The following MACF1 variants were observed in gnomAD, a reference collection of about 807,000 sequenced individuals.
MACF1 encodes the protein microtubule actin crosslinking factor 1.
Under a neutral mutation model 854.8 loss-of-function variants are expected in MACF1, and 193 were observed. The observed-to-expected ratio is 0.23, with a 90% CI of 0.20 to 0.25. MACF1 has a LOEUF of 0.25. MACF1 is among the 10% of genes least tolerant of loss of function. The pLI, the probability that MACF1 is intolerant of heterozygous loss-of-function variation, is 1.00. For missense variants in MACF1, 7,722 were observed against 8,929.1 expected (o/e 0.86, Z 5.45); for synonymous variants, 3,185 against 3,226.7 (o/e 0.99, Z 0.44).
Position 39,448,622 on chromosome 1 carries a change from A to C in MACF1, c.20117A>C (p.Gln6706Pro), listed in dbSNP as rs1294979465. The C allele has an allele frequency of 6.3e-7, 1 of 1,579,912 alleles. No homozygotes were observed. The highest frequency in any genetic ancestry group is 8.6e-7 in the Non-Finnish European group (1 of 1,161,896). ...KEFQKTLGGK[Q>P]PVYDTTIRTG... ...TTTCAGAAGACTCTTGGTGGCAAGC[A>C]GCCTGTGTATGATACCACAATTAGA... Residue 6706 changes from glutamine (Q) to proline (P), a missense_variant, in exon 84 of 101, where the codon CAG (glutamine) becomes CCG (proline). Around this residue, in one of 15 missense-constraint regions of MACF1, gnomAD observed 729 missense variants for 900.5 expected, o/e 0.81. Coordinates refer to ENST00000564288, the MANE Select transcript of MACF1 (RefSeq NM_001394062.1).
At chr1:39,476,251 T>C (rs909091426) in intron 97 of MACF1, among the ~76,000 whole-genome samples, 2 of 152,294 alleles carry the variant, frequency 1.3e-5, no homozygotes, top group Admixed American at 6.5e-5. Flanking sequence ...GTATGCATCC[T>C]TTCTCCCCAG....
At chr1:39,440,638 A>G (rs948032302) in intron 72 of MACF1, among the ~76,000 whole-genome samples, 9 of 152,000 alleles carry the variant, frequency 5.9e-5, no homozygotes, top group Non-Finnish European at 2.9e-5. Context: ...GTTATACTCT[A>G]TTGTCAGCAC....
intron 53 of MACF1, 60 bp from the exon 54 acceptor site, chr1:39,379,143 G>A (rs1557619615): frequency 6.7e-7 from 1 of 1,482,720 alleles, no homozygotes; most frequent in Non-Finnish European, 9.0e-7. Flanking sequence ...TAGGAGTGAG[G>A]AGTCAAGGAG....
intron 1 of MACF1, among the ~76,000 whole-genome samples, chr1:39,208,975 T>A (rs1644485389): frequency 6.6e-6 from 1 of 151,384 alleles, no homozygotes; most frequent in African/African-American, 2.4e-5. Flanking sequence ...AATATGGCCG[T>A]GCGCAGTGGC....
At chr1:39,110,290 A>C (rs756268135) in intron 2 of MACF1, among the ~76,000 whole-genome samples, 1 of 133,122 alleles carries the variant, frequency 7.5e-6, no homozygotes, top group Non-Finnish European at 1.5e-5. Flanking sequence ...GCTAGAGTGC[A>C]GTGTGGTGAG....
rs555908133 is a variant in MACF1, at chr1:39,358,705, A to G, written c.11952A>G (p.Arg3984=). 1.1e-5 allele frequency: 17 copies of G among 1,614,110 alleles called. No individual in the cohort carries two copies. In the South Asian group the frequency reaches 1.5e-4, roughly 15 times the overall value. The change falls in exon 46 of 101, where the codon CGA becomes CGG. Residue 3984 remains arginine (R), a synonymous_variant. Coordinates refer to ENST00000564288, the MANE Select transcript of MACF1 (RefSeq NM_001394062.1). ...TTCTTTCTCTGGCACAGTGTACACG[A>G]TTAGGATCTCACCTGAATATGCTGT... ...RYTALHSKCT[R]LGSHLNMLLG...
At chr1:39,427,659 A>T (rs369484813) in intron 62 of MACF1, 45 bp downstream of exon 62, 1 of 1,575,610 alleles carries the variant, frequency 6.3e-7, no homozygotes, top group Non-Finnish European at 8.6e-7. Flanking sequence ...CTGGAATTAG[A>T]AATCCTAGAA....
rs1187483846 is a variant in MACF1 at position 39,359,175 on chromosome 1, C to T, written c.12155C>T (p.Pro4052Leu). 1.2e-6 allele frequency: 2 copies of T among 1,614,026 alleles called. No individual in the cohort carries two copies. Among genetic ancestry groups the T allele is most frequent in the Non-Finnish European group, 1.7e-6 (2 of 1,180,012 alleles). Residue 4052 changes from proline to leucine, a missense_variant, in exon 47 of 101, where the codon CCT (proline) becomes CTT (leucine). Transcript: ENST00000564288. ...GAGGAATTGGCTGAGCACCAAGTACCTGTGGAAAAACTCCAAAAAGTAGCT... is the reference window on the plus strand; with the variant it reads ...GAGGAATTGGCTGAGCACCAAGTACTTGTGGAAAAACTCCAAAAAGTAGCT... Reference protein sequence around the residue: ...LQEELAEHQVPVEKLQKVARD... With the variant: ...LQEELAEHQVLVEKLQKVARD...
At chr1:39,179,255 T>G (rs925914400) in intron 2 of MACF1, among the ~76,000 whole-genome samples, 1 of 152,236 alleles carries the variant, frequency 6.6e-6, no homozygotes, top group Non-Finnish European at 1.5e-5. Flanking sequence ...GACCCCGTGT[T>G]GCTCTAGGAA....
Position 39,310,596 on chromosome 1 carries a change from T to A in MACF1, c.3100+168T>A, listed in dbSNP as rs192447469. Among the ~76,000 whole-genome samples, 329 of 152,354 alleles carry A rather than the reference T, an allele frequency of 2.2e-3. 4 individuals carry two copies. Among genetic ancestry groups the A allele is most frequent in the Non-Finnish European group, 4.1e-3 (278 of 68,034 alleles). ...TTATAGATGAATTCTCAAAATCAGA[T>A]CATGGAAGAAGTCTGTTGATATTTC... On this transcript the variant is annotated intron_variant, in intron 25 of 100. Coordinates refer to ENST00000564288, the MANE Select transcript of MACF1 (RefSeq NM_001394062.1).
chr1:39,187,409 T>C (rs1644187121), intron 2 of MACF1, among the ~76,000 whole-genome samples: 1 of 152,184 alleles, frequency 6.6e-6, no homozygotes. Flanking sequence ...TCACTCTGGA[T>C]GGGTTGCTCT....
chr1:39,134,340 C>A (rs1331831991), intron 2 of MACF1, among the ~76,000 whole-genome samples: 1 of 152,056 alleles, frequency 6.6e-6, no homozygotes, highest in Non-Finnish European at 1.5e-5. Flanking sequence ...GCTACCGCAC[C>A]CGGCCAGAAG....
At chr1:39,231,598 A>G (rs1264791080) in intron 2 of MACF1, among the ~76,000 whole-genome samples, 1 of 152,226 alleles carries the variant, frequency 6.6e-6, no homozygotes, top group Non-Finnish European at 1.5e-5. Context: ...CTACCATTAC[A>G]TCAGGAGGCA....
intron 40 of MACF1, among the ~76,000 whole-genome samples, chr1:39,341,772 C>T (rs568460891): frequency 6.6e-6 from 1 of 151,734 alleles, no homozygotes; most frequent in East Asian, 1.9e-4. Context: ...CTCTGAGAGA[C>T]CATCTACTGA....
intron 58 of MACF1, among the ~76,000 whole-genome samples, chr1:39,404,541 A>C (rs1642617567): frequency 6.6e-6 from 1 of 152,134 alleles, no homozygotes; most frequent in Admixed American, 6.5e-5. Flanking sequence ...GCCAGGCTAG[A>C]GTGCAATGAC....
At chr1:39,324,791 AACTT>A (rs1399328847) in intron 35 of MACF1, 57 bp downstream of exon 35, 2 of 1,295,184 alleles carry the variant, frequency 1.5e-6, no homozygotes, top group African/African-American at 2.9e-5. Flanking sequence ...ATCAGTCTAA[AACTT>A]ACAGCCATAA....
intron 70 of MACF1, 93 bp from the exon 71 acceptor site, chr1:39,437,684 G>T (rs748384683): frequency 3.0e-6 from 3 of 999,532 alleles, no homozygotes; most frequent in Non-Finnish European, 3.2e-6. Context: ...ATCCTAAACA[G>T]TAGTAGGATA....
At chr1:39,254,084 G>A (rs536155111) in intron 4 of MACF1, 26 of 535,244 alleles carry the variant, frequency 4.9e-5, no homozygotes, top group East Asian at 1.2e-4. Context: ...TGCGAGATGC[G>A]TAGTGGTACA....
chr1:39,443,400 C>CT (rs1371228121), intron 78 of MACF1, 46 bp from the exon 79 acceptor site: 2 of 1,555,796 alleles, frequency 1.3e-6, no homozygotes, highest in African/African-American at 2.8e-5. Context: ...ACTTTTAAAG[C>CT]TGAGAAATGA....
Sources: gnomAD v4.1 joint callset for allele counts (sites outside exome capture counted in the v4.1 genomes callset) on GRCh38, gnomAD v4.1.1 for gene constraint, gnomAD v4.1.1 regional missense constraint, MANE v1.5 for transcripts, NCBI Gene and HGNC (gene_info 2026-07-23, HGNC 2026-07-21) for gene names.